MED14: variants seen among roughly 807,000 people sequenced by gnomAD.
The protein encoded by MED14 is mediator of RNA polymerase II transcription subunit 14.
MED14 carries 8 observed loss-of-function variants against 109.0 expected under a neutral mutation model. That is an observed-to-expected ratio of 0.07 (90% CI 0.04 to 0.13). MED14 has a LOEUF of 0.13. Ranked by LOEUF, MED14 falls within the 10% of genes least tolerant of loss-of-function variation. MED14 has a pLI of 1.00. For synonymous variants in MED14, 399 were observed against 408.7 expected (o/e 0.98, Z 0.29); for missense variants, 711 against 1,142.4 (o/e 0.62, Z 5.44).
intron 3 of MED14, among the ~76,000 whole-genome samples, chrX:40,720,036 C>G (rs183202935): frequency 8.9e-6 from 1 of 111,804 alleles, no homozygotes; most frequent in African/African-American, 3.3e-5. Flanking sequence ...AACAATCCCT[C>G]TAATTCTCAT....
chrX:40,675,059 G>T (rs910072802), intron 22 of MED14, among the ~76,000 whole-genome samples, 162 bp downstream of exon 22: 6 of 112,454 alleles, frequency 5.3e-5, no homozygotes, highest in Non-Finnish European at 1.1e-4. Flanking sequence ...CTTGTCACTG[G>T]AAGTCTCCTC....
chrX:40,679,942 C>T lies in MED14; in HGVS notation c.2802G>A (p.Val934=). ...IDIYCRSRGV[V]AIRDGAYSLF... is the part of the protein sequence containing the mutation. Reference sequence around the variant, plus strand: ...GACTATAGGCACCATCCCGTATTGCCACAACACCTCGACTCCGGCAGTATA... The same window carrying T: ...GACTATAGGCACCATCCCGTATTGCTACAACACCTCGACTCCGGCAGTATA... Residue 934 remains valine, a synonymous_variant, in exon 21 of 31, where the codon GTG becomes GTA. Transcript: ENST00000324817. The T allele has an allele frequency of 8.3e-7, 1 of 1,210,170 alleles. No individual in the cohort carries two copies. Among genetic ancestry groups the T allele is most frequent in the East Asian group, 3.0e-5 (1 of 33,836 alleles).
At chrX:40,712,073 G>T in intron 7 of MED14, 113 bp downstream of exon 7, 1 of 486,441 alleles carries the variant, frequency 2.1e-6, no homozygotes, top group Non-Finnish European at 3.5e-6. Flanking sequence ...GGGTGGGGGA[G>T]ATGGGGGCAA....
chrX:40,666,694 A>AT, intron 24 of MED14, 26 bp downstream of exon 24: 1 of 1,202,082 alleles, frequency 8.3e-7, no homozygotes, highest in East Asian at 3.0e-5. Context: ...CTCTTATGCT[A>AT]TATCGATTTC....
chrX:40,733,444 G>A (rs779933262), intron 1 of MED14, among the ~76,000 whole-genome samples: 3 of 112,029 alleles, frequency 2.7e-5, no homozygotes, highest in South Asian at 3.7e-4. Context: ...GGGAACCATC[G>A]AAGGGTTCTA....
At chrX:40,717,949 C>T (rs1931595246) in intron 3 of MED14, among the ~76,000 whole-genome samples, 1 of 112,208 alleles carries the variant, frequency 8.9e-6, no homozygotes, top group Admixed American at 9.4e-5. Flanking sequence ...ACACAGTGCT[C>T]TACAATTTCT....
intron 15 of MED14, among the ~76,000 whole-genome samples, chrX:40,690,711 G>A (rs918122780): frequency 6.3e-5 from 7 of 110,718 alleles, no homozygotes; most frequent in African/African-American, 2.3e-4. Flanking sequence ...CACCGTGCCC[G>A]GCCCACTGCC....
chrX:40,710,202 C>T (rs907043334), intron 8 of MED14, 73 bp from the exon 9 acceptor site: 33 of 734,280 alleles, frequency 4.5e-5, no homozygotes, highest in Non-Finnish European at 5.9e-5. Context: ...TAGAGACAAT[C>T]CATTGTGCAG....
At chrX:40,719,654 G>A (rs766124163) in intron 3 of MED14, among the ~76,000 whole-genome samples, 14 of 111,915 alleles carry the variant, frequency 1.3e-4, no homozygotes, top group African/African-American at 4.5e-4. Flanking sequence ...AGGAGAGCTG[G>A]GGTGGTAACT....
intron 16 of MED14, 41 bp from the exon 17 acceptor site, chrX:40,683,037 A>G: frequency 9.2e-7 from 1 of 1,081,741 alleles, no homozygotes; most frequent in Non-Finnish European, 1.3e-6. Flanking sequence ...CTTTACACAG[A>G]CAAAGCACAA....
chrX:40,711,134 C>A (rs1185482057), intron 8 of MED14, 35 bp downstream of exon 8: 2 of 1,193,183 alleles, frequency 1.7e-6, no homozygotes, highest in South Asian at 3.7e-5. Context: ...TATTTACAGT[C>A]ATAGCACGAA....
At chrX:40,672,044 T>C in intron 22 of MED14, 72 bp from the exon 23 acceptor site, 1 of 569,525 alleles carries the variant, frequency 1.8e-6, no homozygotes, top group East Asian at 3.4e-5. Flanking sequence ...CTTTCACTAA[T>C]TATAGCTACA....
chrX:40,730,850 C>CG lies in MED14; in HGVS notation c.216-1506dup, dbSNP rs748846182. On this transcript the variant is annotated intron_variant, in intron 1 of 30. Coordinates refer to ENST00000324817, the MANE Select transcript of MED14 (RefSeq NM_004229.4). ...TAAAAGAAGTTTAAAAAAAAGGGGGCGGGGGGGTCAGGTACGGTGGCTCAC... is the reference window on the plus strand; with the variant it reads ...TAAAAGAAGTTTAAAAAAAAGGGGGCGGGGGGGGTCAGGTACGGTGGCTCAC... Among the ~76,000 whole-genome samples the CG allele has an allele frequency of 8.7e-4, 70 of 80,646 alleles. No homozygotes were observed. In the East Asian group the frequency reaches 0.013, roughly 15 times the overall value. The allele number at this position is 80,646 out of a possible 115,157, so 70.0% of individuals were successfully genotyped here. A position where few individuals can be genotyped will look rare whatever the true frequency, so the allele number is the denominator to read the frequency against.
At chrX:40,712,322 T>G (rs1367141217) in intron 6 of MED14, 29 bp from the exon 7 acceptor site, 1 of 1,060,431 alleles carries the variant, frequency 9.4e-7, no homozygotes, top group Admixed American at 2.3e-5. Flanking sequence ...AAGAAAGCAG[T>G]TAATTAAATA....
At chrX:40,689,677 G>A (rs1172153164) in intron 15 of MED14, among the ~76,000 whole-genome samples, 1 of 108,525 alleles carries the variant, frequency 9.2e-6, no homozygotes, top group Non-Finnish European at 1.9e-5. Flanking sequence ...GGTGACAAGA[G>A]TGAAACTCCA....
chrX:40,659,809 C>T lies in MED14; in HGVS notation c.3685-202G>A, dbSNP rs1929197181. ...TGTGCCTCTTGATGGAAGAACATAA[C>T]TCTACCTATGAAGTATTCTTGCAAA... On this transcript the variant is annotated intron_variant, in intron 26 of 30. Coordinates refer to ENST00000324817, the MANE Select transcript of MED14 (RefSeq NM_004229.4). 2.0e-5 allele frequency: 7 copies of T among 353,909 alleles called. No homozygotes were observed. The Admixed American group carries it at 3.8e-4, about 19-fold the overall frequency. The allele number at this position is 353,909 out of a possible 1,213,427, so 29.2% of individuals were successfully genotyped here.
chrX:40,696,174 G>A lies in MED14; in HGVS notation c.1650+850C>T, dbSNP rs192548107. 2.8e-3 allele frequency among the ~76,000 whole-genome samples: 279 copies of A among 99,210 alleles called. 1 individual carries two copies. The highest frequency in any genetic ancestry group is 0.01 in the African/African-American group (267 of 26,610). The allele number at this position is 99,210 out of a possible 115,157, so 86.2% of individuals were successfully genotyped here. On this transcript the variant is annotated intron_variant, in intron 13 of 30. Coordinates refer to ENST00000324817, the MANE Select transcript of MED14 (RefSeq NM_004229.4). ...TTTTGAGATGGAGTCTCACTCTGTC[G>A]CCCAAGCTGGAGTGCAGTGGCATGA...
Position 40,688,534 on chromosome X carries a change from G to A in MED14, c.1981-4C>T. 3.4e-6 allele frequency: 4 copies of A among 1,180,448 alleles called. No individual in the cohort carries two copies. The South Asian group carries it at 7.1e-5, about 21-fold the overall frequency. On this transcript the variant is annotated splice_region_variant and splice_polypyrimidine_tract_variant and intron_variant, in intron 15 of 30. Transcript: ENST00000324817. ...GTGGAATCTCCAGATTGGACAACTA[G>A]AAAGAGAAAAACAATTATATCAGAC...
chrX:40,719,003 A>G (rs1372719563), intron 3 of MED14, among the ~76,000 whole-genome samples: 2 of 112,069 alleles, frequency 1.8e-5, no homozygotes, highest in Non-Finnish European at 3.8e-5. Flanking sequence ...TTAACACCAA[A>G]TAAATGTTTC....
Sources: gnomAD v4.1 joint callset for allele counts (sites outside exome capture counted in the v4.1 genomes callset) on GRCh38, gnomAD v4.1.1 for gene constraint, MANE v1.5 for transcripts, NCBI Gene and HGNC (gene_info 2026-07-23, HGNC 2026-07-21) for gene names.